Variants in DLGAP2 observed in about 807,000 individuals in gnomAD.
DLGAP2 encodes disks large-associated protein 2.
DLGAP2 carries 26 observed loss-of-function variants against 100.3 expected under a neutral mutation model. The observed-to-expected ratio is 0.26, with a 90% CI of 0.19 to 0.36. The LOEUF is 0.36. Ranked by LOEUF, DLGAP2 falls within the 10% of genes least tolerant of loss-of-function variation. DLGAP2 has a pLI of 1.00. For synonymous variants in DLGAP2, 886 were observed against 630.1 expected (o/e 1.41, Z -6.08); for missense variants, 1,858 against 1,453.2 (o/e 1.28, Z -4.53).
chr8:926,144 A>G (rs1334073907), intron 2 of DLGAP2, among the ~76,000 whole-genome samples: 1 of 152,120 alleles, frequency 6.6e-6, no homozygotes, highest in African/African-American at 2.4e-5. Flanking sequence ...TCCTGGGGAC[A>G]GTGAGCGGCT....
intron 4 of DLGAP2, among the ~76,000 whole-genome samples, chr8:1,540,233 G>C (rs1801316214): frequency 6.6e-6 from 1 of 152,204 alleles, no homozygotes; most frequent in South Asian, 2.1e-4. Flanking sequence ...GAAACATGGG[G>C]TGATGAGCCC....
intron 3 of DLGAP2, among the ~76,000 whole-genome samples, chr8:1,265,180 A>G (rs1349527926): frequency 6.6e-6 from 1 of 152,240 alleles, no homozygotes; most frequent in South Asian, 2.1e-4. Flanking sequence ...ACTTGCCTAG[A>G]TATTGGATAC....
chr8:1,540,510 G>A (rs1007920526), intron 4 of DLGAP2, among the ~76,000 whole-genome samples: 3 of 152,132 alleles, frequency 2.0e-5, no homozygotes, highest in African/African-American at 7.2e-5. Context: ...CTCCAATTCT[G>A]TAATTCTATG....
At chr8:1,517,642 C>T (rs1800439835) in intron 4 of DLGAP2, among the ~76,000 whole-genome samples, 3 of 152,186 alleles carry the variant, frequency 2.0e-5, no homozygotes, top group Admixed American at 6.5e-5. Flanking sequence ...TGCTAAAATG[C>T]ACCACACAGC....
chr8:841,169 C>T (rs189595412), intron 1 of DLGAP2, among the ~76,000 whole-genome samples: 5 of 152,256 alleles, frequency 3.3e-5, no homozygotes, highest in East Asian at 3.9e-4. Context: ...GATAAATCCT[C>T]GATTCTTCCC....
At chr8:802,492 A>C (rs556409294) in intron 1 of DLGAP2, among the ~76,000 whole-genome samples, 20 of 152,134 alleles carry the variant, frequency 1.3e-4, no homozygotes, top group Admixed American at 7.2e-4. Context: ...GCTGCTTCTC[A>C]ACTTGCTGGG....
At chr8:1,011,550 C>G (rs1348220899) in intron 2 of DLGAP2, among the ~76,000 whole-genome samples, 15 of 141,694 alleles carry the variant, frequency 1.1e-4, no homozygotes, top group African/African-American at 3.6e-4. Flanking sequence ...TCAGTCTACA[C>G]AGTGAGCCCT....
At chr8:1,223,182 A>T (rs543537957) in intron 2 of DLGAP2, among the ~76,000 whole-genome samples, 9 of 152,160 alleles carry the variant, frequency 5.9e-5, no homozygotes, top group African/African-American at 2.2e-4. Context: ...CTCAAGGCCA[A>T]TAACAAGTCC....
intron 1 of DLGAP2, among the ~76,000 whole-genome samples, chr8:805,685 C>G (rs1175359851): frequency 6.6e-6 from 1 of 152,148 alleles, no homozygotes; most frequent in Non-Finnish European, 1.5e-5. Context: ...TGGGCTCACT[C>G]CGCCTCCCAG....
intron 2 of DLGAP2, among the ~76,000 whole-genome samples, chr8:1,134,660 G>A (rs2129049595): frequency 1.3e-5 from 2 of 152,262 alleles, no homozygotes; most frequent in Middle Eastern, 6.8e-3. Flanking sequence ...GCCTGAGAAT[G>A]GGTAATTTAT....
At chr8:900,748 A>T (rs1348795272) in intron 1 of DLGAP2, among the ~76,000 whole-genome samples, 1 of 152,172 alleles carries the variant, frequency 6.6e-6, no homozygotes, top group Non-Finnish European at 1.5e-5. Context: ...TAACAGCAGG[A>T]TGGCAGGAGC....
At chr8:929,863 C>G (rs1399782911) in intron 2 of DLGAP2, among the ~76,000 whole-genome samples, 3 of 151,550 alleles carry the variant, frequency 2.0e-5, no homozygotes, top group African/African-American at 7.3e-5. Flanking sequence ...CAAGAATGGA[C>G]ACATTAGTGC....
chr8:1,358,321 A>G (rs1474418317), intron 3 of DLGAP2, among the ~76,000 whole-genome samples: 1 of 152,142 alleles, frequency 6.6e-6, no homozygotes, highest in African/African-American at 2.4e-5. Flanking sequence ...TGTTGCAAAT[A>G]TGTCAGGTTC....
intron 4 of DLGAP2, among the ~76,000 whole-genome samples, chr8:1,515,376 A>G (rs569373384): frequency 6.6e-6 from 1 of 152,222 alleles, no homozygotes; most frequent in Non-Finnish European, 1.5e-5. Context: ...CAGCATACAC[A>G]TGCACATACA....
rs573478131 is a variant in DLGAP2 at position 884,683 on chromosome 8, A to G, written c.19-23229A>G. 2.6e-5 allele frequency among the ~76,000 whole-genome samples: 4 copies of G among 152,138 alleles called. No homozygotes were observed. The East Asian group carries it at 5.8e-4, about 22-fold the overall frequency. On this transcript the variant is annotated intron_variant, in intron 1 of 14. Transcript: ENST00000637795. ...GGCTTTTATTGCCACTGCTTTTGGC[A>G]TTTTTCAATGAAGTCTTTGCCCTTG...
At chr8:1,499,602 T>C (rs190465472) in intron 3 of DLGAP2, among the ~76,000 whole-genome samples, 38 of 152,354 alleles carry the variant, frequency 2.5e-4, no homozygotes, top group African/African-American at 9.1e-4. Flanking sequence ...AAAACGCAGC[T>C]TAAACTATGC....
intron 1 of DLGAP2, 142 bp downstream of exon 1, chr8:737,967 C>A: frequency 3.0e-6 from 1 of 334,314 alleles, no homozygotes; most frequent in Non-Finnish European, 5.4e-6. Flanking sequence ...GTCGTGCCGC[C>A]CGCCGGGGCC....
chr8:1,443,731 C>A (rs1179749005), intron 3 of DLGAP2, among the ~76,000 whole-genome samples: 2 of 152,176 alleles, frequency 1.3e-5, no homozygotes, highest in South Asian at 4.2e-4. Flanking sequence ...GACTTACTAC[C>A]ATGAGAAGAG....
chr8:1,359,686 G>A (rs1194494079), intron 3 of DLGAP2, among the ~76,000 whole-genome samples: 1 of 152,230 alleles, frequency 6.6e-6, no homozygotes, highest in African/African-American at 2.4e-5. Flanking sequence ...CCAATCCCAC[G>A]GTAGACGCTG....
Sources: gnomAD v4.1 joint callset for allele counts (sites outside exome capture counted in the v4.1 genomes callset) on GRCh38, gnomAD v4.1.1 for gene constraint, MANE v1.5 for transcripts, NCBI Gene and HGNC (gene_info 2026-07-23, HGNC 2026-07-21) for gene names.